Variants in RIMS2 observed in about 807,000 individuals in gnomAD.
The protein encoded by RIMS2 is regulating synaptic membrane exocytosis protein 2.
RIMS2 carries 59 observed loss-of-function variants against 174.4 expected under a neutral mutation model. That is an observed-to-expected ratio of 0.34 (90% CI 0.27 to 0.42). The LOEUF (loss-of-function observed/expected upper bound fraction) is 0.42. Ranked by LOEUF, RIMS2 falls within the 10% of genes least tolerant of loss-of-function variation. The pLI is 1.00. For synonymous variants in RIMS2, 606 were observed against 572.5 expected (o/e 1.06, Z -0.84); for missense variants, 1,620 against 1,666.3 (o/e 0.97, Z 0.48).
chr8:103,923,727 C>A (rs1257702118), intron 10 of RIMS2, among the ~76,000 whole-genome samples: 5 of 151,664 alleles, frequency 3.3e-5, no homozygotes, highest in Non-Finnish European at 7.4e-5. Context: ...ATTGTTCACA[C>A]ATATACCCAT....
intron 1 of RIMS2, among the ~76,000 whole-genome samples, chr8:103,505,582 C>T (rs112342437): frequency 2.0e-5 from 3 of 152,136 alleles, no homozygotes; most frequent in African/African-American, 4.8e-5. Context: ...TTCGTACATG[C>T]ATTTCCTACA....
chr8:103,604,341 C>T (rs1239271417), intron 1 of RIMS2, among the ~76,000 whole-genome samples: 1 of 152,052 alleles, frequency 6.6e-6, no homozygotes, highest in Non-Finnish European at 1.5e-5. Flanking sequence ...GGGCTCTGTT[C>T]TGTTCCATTG....
At chr8:104,249,193 A>G (rs1326355621) in intron 21 of RIMS2, among the ~76,000 whole-genome samples, 3 of 151,766 alleles carry the variant, frequency 2.0e-5, no homozygotes, top group African/African-American at 7.3e-5. Context: ...TCCACCTCCC[A>G]AAGTGCTGGG....
chr8:103,616,460 A>G (rs1452885308), intron 1 of RIMS2, among the ~76,000 whole-genome samples: 1 of 152,230 alleles, frequency 6.6e-6, no homozygotes. Flanking sequence ...AGACTGACAC[A>G]AGGCAAGAAT....
At chr8:103,857,177 AT>A (rs2099032607) in intron 3 of RIMS2, among the ~76,000 whole-genome samples, 1 of 152,202 alleles carries the variant, frequency 6.6e-6, no homozygotes, top group Non-Finnish European at 1.5e-5. Context: ...TGGATAAGAA[AT>A]CAGATAAGGG....
intron 3 of RIMS2, among the ~76,000 whole-genome samples, chr8:103,831,514 A>T (rs143987132): frequency 6.6e-6 from 1 of 152,268 alleles, no homozygotes; most frequent in African/African-American, 2.4e-5. Context: ...ACCTCGGCCA[A>T]TTGGCCTTCT....
chr8:104,048,771 TA>T (rs1342141069), intron 19 of RIMS2, among the ~76,000 whole-genome samples: 18 of 152,172 alleles, frequency 1.2e-4, no homozygotes, highest in Non-Finnish European at 1.0e-4. Context: ...GTAATGTCTG[TA>T]AAAAACTTGT....
chr8:103,689,575 T>G (rs1355978975), intron 1 of RIMS2, among the ~76,000 whole-genome samples: 2 of 152,352 alleles, frequency 1.3e-5, no homozygotes, highest in Middle Eastern at 3.4e-3. Context: ...TGTTATATAC[T>G]TTTGCTGAAT....
At chr8:104,016,212 A>T (rs2095898965) in intron 19 of RIMS2, among the ~76,000 whole-genome samples, 1 of 152,076 alleles carries the variant, frequency 6.6e-6, no homozygotes. Context: ...CCCTCAATAA[A>T]TCTTTGTTGA....
In RIMS2 at chr8:104,188,273, G is replaced by GATAGATAGATAGATA. The variant is rs60940097; in HGVS notation, c.3335-56643_3335-56642insATAGATAGATAGATA. Among the ~76,000 whole-genome samples, 476 of 130,666 alleles carry GATAGATAGATAGATA rather than the reference G, an allele frequency of 3.6e-3. 8 individuals are homozygous for GATAGATAGATAGATA. The highest frequency in any genetic ancestry group is 7.8e-3 in the East Asian group (35 of 4,510). 85.7% of individuals were successfully genotyped at this position (130,666 alleles called of 152,430 possible). On this transcript the variant is annotated intron_variant, in intron 19 of 23. Transcript: ENST00000504942. ...TAGATAGATAGATAGATAGATAGAT[G>GATAGATAGATAGATA]GATGAAGTATAAAATCATCTAGATA... is the stretch of plus-strand genomic sequence containing the variant.
At chr8:103,609,971 T>C (rs1002676067) in intron 1 of RIMS2, among the ~76,000 whole-genome samples, 1 of 152,238 alleles carries the variant, frequency 6.6e-6, no homozygotes, top group Admixed American at 6.5e-5. Context: ...GAGTACGGAA[T>C]GCCTTTCTAT....
intron 19 of RIMS2, among the ~76,000 whole-genome samples, chr8:104,023,187 A>G (rs4467913): frequency 0.66 from 100,030 of 151,988 alleles, 33,606 homozygotes; most frequent in Middle Eastern, 0.72. Context: ...GGATAGTTGA[A>G]GCTAGAGGGG....
chr8:103,838,842 G>A (rs1259806506), intron 3 of RIMS2, among the ~76,000 whole-genome samples: 1 of 152,180 alleles, frequency 6.6e-6, no homozygotes, highest in Non-Finnish European at 1.5e-5. Flanking sequence ...GAGGCGGGCA[G>A]ATCACGAGGT....
At chr8:103,871,365 G>T (rs1435709102) in intron 3 of RIMS2, among the ~76,000 whole-genome samples, 1 of 152,184 alleles carries the variant, frequency 6.6e-6, no homozygotes, top group Non-Finnish European at 1.5e-5. Flanking sequence ...CTGCACTCCA[G>T]CCTGAGTGAC....
chr8:103,629,147 T>A (rs1235203738), intron 1 of RIMS2, among the ~76,000 whole-genome samples: 1 of 152,144 alleles, frequency 6.6e-6, no homozygotes, highest in Non-Finnish European at 1.5e-5. Flanking sequence ...CTGACTCAAC[T>A]GGGTGCTGCA....
At chr8:104,155,772 T>C (rs1427306529) in intron 19 of RIMS2, among the ~76,000 whole-genome samples, 1 of 152,148 alleles carries the variant, frequency 6.6e-6, no homozygotes. Context: ...CTTAAAAAGA[T>C]TCTTGCGATG....
chr8:103,537,482 A>G (rs1311764621), intron 1 of RIMS2, among the ~76,000 whole-genome samples: 1 of 152,208 alleles, frequency 6.6e-6, no homozygotes, highest in East Asian at 1.9e-4. Context: ...GTAGTTCTTC[A>G]ATCCTTCTGT....
chr8:104,023,736 C>T (rs2096174217), intron 19 of RIMS2, among the ~76,000 whole-genome samples: 1 of 152,064 alleles, frequency 6.6e-6, no homozygotes, highest in Non-Finnish European at 1.5e-5. Flanking sequence ...ATCTGGGACT[C>T]ATCCTTATAA....
At chr8:103,752,399 T>C (rs1233536662) in intron 2 of RIMS2, among the ~76,000 whole-genome samples, 2 of 152,192 alleles carry the variant, frequency 1.3e-5, no homozygotes, top group Middle Eastern at 3.2e-3. Context: ...CCTCCAGCTT[T>C]GTTCTTTTGG....
Sources: allele counts gnomAD v4.1 joint callset (sites outside exome capture counted in the v4.1 genomes callset), GRCh38; gene constraint gnomAD v4.1.1; transcripts MANE v1.5; gene names NCBI Gene and HGNC (gene_info 2026-07-23, HGNC 2026-07-21).